The following MAF variants were observed in gnomAD, a reference collection of about 807,000 sequenced individuals.
The protein encoded by MAF is MAF bZIP transcription factor.
MAF carries 10 observed loss-of-function variants against 22.0 expected under a neutral mutation model. The ratio of observed to expected loss-of-function variants is 0.45; its 90% CI spans 0.28 to 0.77. The LOEUF (loss-of-function observed/expected upper bound fraction) is 0.77, where lower values mean the gene tolerates loss of function less well. MAF is among the 30% of genes least tolerant of loss of function. MAF has a pLI of 0.12. For missense variants in MAF, 544 were observed against 548.4 expected (o/e 0.99, Z 0.08); for synonymous variants, 337 against 255.8 (o/e 1.32, Z -3.03).
chr16:79,268,158 C>T, the MAF span, among the ~76,000 whole-genome samples: 1 of 152,134 alleles, frequency 6.6e-6, no homozygotes, highest in African/African-American at 2.4e-5. Context: ...TTATGCCCTC[C>T]ATGACCATGG....
At chr16:79,347,969 A>T in the MAF span, among the ~76,000 whole-genome samples, 1 of 152,246 alleles carries the variant, frequency 6.6e-6, no homozygotes, top group African/African-American at 2.4e-5. Context: ...TTTTTAAATT[A>T]GGGAGTGAAG....
the MAF span, among the ~76,000 whole-genome samples, chr16:79,389,976 CAAAAAAAAAAAAA>C: frequency 7.9e-5 from 5 of 62,952 alleles, no homozygotes; most frequent in Admixed American, 9.8e-4. Context: ...GACTCCATCT[CAAAAAAAAAAAAA>C]AAAAAAAAAA....
chr16:79,270,956 A>C, the MAF span, among the ~76,000 whole-genome samples: 21 of 150,572 alleles, frequency 1.4e-4, no homozygotes, highest in African/African-American at 5.1e-4. Flanking sequence ...GATAGAGTGC[A>C]CTGGTGCAAT....
the MAF span, among the ~76,000 whole-genome samples, chr16:79,482,613 C>A: frequency 5.3e-5 from 8 of 152,262 alleles, no homozygotes; most frequent in Non-Finnish European, 8.8e-5. Flanking sequence ...CATCATCAAA[C>A]TTTCAGTGAT....
chr16:79,339,139 G>T, the MAF span, among the ~76,000 whole-genome samples: 2 of 151,800 alleles, frequency 1.3e-5, no homozygotes, highest in African/African-American at 4.8e-5. Context: ...GCACCATCTC[G>T]GCTCACTGCA....
chr16:79,501,239 AG>A, the MAF span, among the ~76,000 whole-genome samples: 2 of 152,128 alleles, frequency 1.3e-5, no homozygotes, highest in African/African-American at 4.8e-5. Context: ...GCCTCCTTGA[AG>A]GGTTGTCAGA....
At chr16:79,417,515 G>T in the MAF span, among the ~76,000 whole-genome samples, 1 of 152,134 alleles carries the variant, frequency 6.6e-6, no homozygotes, top group Non-Finnish European at 1.5e-5. Flanking sequence ...ATGGGCTGGC[G>T]GACTGGTGGT....
the MAF span, among the ~76,000 whole-genome samples, chr16:79,456,181 A>G: frequency 6.6e-6 from 1 of 151,866 alleles, no homozygotes; most frequent in East Asian, 1.9e-4. Context: ...AGCTGCATCC[A>G]CCCCGCACAG....
chr16:79,275,940 G>C, the MAF span, among the ~76,000 whole-genome samples: 2 of 152,150 alleles, frequency 1.3e-5, no homozygotes, highest in Non-Finnish European at 2.9e-5. Context: ...AGGAGATCGA[G>C]ACCGTCCTGG....
the MAF span, among the ~76,000 whole-genome samples, chr16:79,445,412 C>G: frequency 6.6e-6 from 1 of 152,196 alleles, no homozygotes; most frequent in Non-Finnish European, 1.5e-5. Flanking sequence ...AATCCATTTA[C>G]TCTTTACAAG....
At chr16:79,450,005 A>T in the MAF span, among the ~76,000 whole-genome samples, 473 of 152,322 alleles carry the variant, frequency 3.1e-3, 4 homozygotes, top group African/African-American at 0.011. Flanking sequence ...CCGCTAAAAC[A>T]ATTGCTGCTC....
At chr16:79,555,229 G>A in the MAF span, among the ~76,000 whole-genome samples, 1 of 152,274 alleles carries the variant, frequency 6.6e-6, no homozygotes, top group South Asian at 2.1e-4. Flanking sequence ...AACTCATGCT[G>A]CCCTGGGATT....
chr16:79,494,852 G>C, the MAF span, among the ~76,000 whole-genome samples: 2 of 152,114 alleles, frequency 1.3e-5, no homozygotes, highest in East Asian at 3.9e-4. Flanking sequence ...ATAAATTGGG[G>C]GTTCCCAAGA....
At chr16:79,295,778 C>T in the MAF span, among the ~76,000 whole-genome samples, 1 of 152,198 alleles carries the variant, frequency 6.6e-6, no homozygotes, top group Non-Finnish European at 1.5e-5. Flanking sequence ...GGTAAGTGGT[C>T]CACAAGAACT....
At chr16:79,227,514 G>A in the MAF span, among the ~76,000 whole-genome samples, 2 of 151,930 alleles carry the variant, frequency 1.3e-5, no homozygotes, top group African/African-American at 4.8e-5. Context: ...TCGAGTAACG[G>A]TACTGTAATT....
At chr16:79,231,915 G>C in the MAF span, among the ~76,000 whole-genome samples, 1 of 151,972 alleles carries the variant, frequency 6.6e-6, no homozygotes, top group Non-Finnish European at 1.5e-5. Flanking sequence ...TCCCATCTGT[G>C]GGTGATGGGA....
At chr16:79,308,975 T>A in the MAF span, among the ~76,000 whole-genome samples, 1 of 152,194 alleles carries the variant, frequency 6.6e-6, no homozygotes, top group African/African-American at 2.4e-5. Context: ...ATGAAGTTAC[T>A]TATGGATGTA....
At chr16:79,380,093 A>G in the MAF span, among the ~76,000 whole-genome samples, 51 of 152,198 alleles carry the variant, frequency 3.4e-4, no homozygotes, top group Non-Finnish European at 7.1e-4. Context: ...TACTGCCTAA[A>G]CATACAACTC....
chr16:79,525,156 G>T, the MAF span, among the ~76,000 whole-genome samples: 2 of 152,060 alleles, frequency 1.3e-5, no homozygotes, highest in South Asian at 2.1e-4. Context: ...CAAAGCCCCG[G>T]ATTTCATCGC....
Sources: allele counts gnomAD v4.1 joint callset (sites outside exome capture counted in the v4.1 genomes callset), GRCh38; gene constraint gnomAD v4.1.1; transcripts MANE v1.5; gene names NCBI Gene and HGNC (gene_info 2026-07-23, HGNC 2026-07-21).